C5: variants seen among roughly 807,000 people sequenced by gnomAD.
C5 encodes complement C5.
In C5, 140 loss-of-function variants were observed where a neutral mutation model predicts 218.8. The observed-to-expected ratio is 0.64, with a 90% CI of 0.56 to 0.74. C5 has a LOEUF of 0.74. Ranked by LOEUF, C5 falls within the 30% of genes least tolerant of loss-of-function variation. C5 has a pLI of 0.00. For synonymous variants in C5, 614 were observed against 682.3 expected, an observed-to-expected ratio of 0.90 and a Z score of 1.56; for missense variants, 1,700 against 1,969.6, an observed-to-expected ratio of 0.86 and a Z score of 2.59.
rs1384455813 is a variant in C5 at position 121,006,042 on chromosome 9, A to G, written c.2439T>C (p.Asp813=). 6.2e-7 allele frequency: 1 copy of G among 1,613,844 alleles called. No homozygotes were observed. Among genetic ancestry groups the G allele is most frequent in the African/African-American group, 1.3e-5 (1 of 75,040 alleles). The change falls in exon 20 of 41, where the codon GAT becomes GAC. Residue 813 remains aspartate, a synonymous_variant. Coordinates refer to ENST00000223642, the MANE Select transcript of C5 (RefSeq NM_001735.3). Reference sequence around the variant, plus strand: ...CTTTGAACACCTTTGCCTTGACAGTATCAGCAACACATATACCTTCAGCCC... The same window carrying G: ...CTTTGAACACCTTTGCCTTGACAGTGTCAGCAACACATATACCTTCAGCCC... ...GISNTGICVA[D]TVKAKVFKDV...
Position 120,981,941 on chromosome 9 carries a change from T to C in C5, c.3391-2A>G, listed in dbSNP as rs756024277. ...TCGGGCTTCAACAGGCAAGGTACCC[T>C]AAAAAGAAGCAATGTTTTAAAAGGG... On this transcript the variant is annotated splice_acceptor_variant, in intron 26 of 40. Transcript: ENST00000223642. LOFTEE classifies it high-confidence loss of function. 2.5e-6 allele frequency: 4 copies of C among 1,604,552 alleles called. No homozygotes were observed. Among genetic ancestry groups the C allele is most frequent in the Non-Finnish European group, 3.4e-6 (4 of 1,171,440 alleles).
rs79463779 is a variant in C5 at position 121,049,087 on chromosome 9, A to G, written c.65+1095T>C. 8.4e-3 allele frequency among the ~76,000 whole-genome samples: 1,284 copies of G among 152,272 alleles called. 23 individuals carry two copies. Among genetic ancestry groups the G allele is most frequent in the African/African-American group, 0.029 (1,213 of 41,532 alleles). Reference sequence around the variant, plus strand: ...GTTTGCTATATCTGCAGTGCCTATCATATGTTTAGATGCTCAATAAATATT... The same window carrying G: ...GTTTGCTATATCTGCAGTGCCTATCGTATGTTTAGATGCTCAATAAATATT... On this transcript the variant is annotated intron_variant, in intron 1 of 40. Transcript: ENST00000223642.
chr9:121,010,196 T>C (rs1222642986), intron 17 of C5, among the ~76,000 whole-genome samples: 1 of 152,220 alleles, frequency 6.6e-6, no homozygotes, highest in East Asian at 1.9e-4. Context: ...AGTCAAGTTA[T>C]CCTTGTATGC....
At chr9:120,998,556 A>G (rs1203342430) in intron 20 of C5, among the ~76,000 whole-genome samples, 4 of 152,234 alleles carry the variant, frequency 2.6e-5, no homozygotes, top group African/African-American at 9.6e-5. Context: ...GGCCCTGCCC[A>G]TTATGTCCCC....
rs781015545 is a variant in C5, at chr9:120,970,266, A to G, written c.4081-15T>C. 2 of 1,560,142 alleles carry G rather than the reference A, an allele frequency of 1.3e-6. No individual in the cohort carries two copies. Among genetic ancestry groups the G allele is most frequent in the African/African-American group, 1.4e-5 (1 of 74,026 alleles). On this transcript the variant is annotated splice_polypyrimidine_tract_variant and intron_variant, in intron 31 of 40. Transcript: ENST00000223642. Reference sequence around the variant, plus strand: ...ACAGTTGTTACCTACATTGGGGACAAGTAAGCAAGAAGATTCTATTTAAAG... The same window carrying G: ...ACAGTTGTTACCTACATTGGGGACAGGTAAGCAAGAAGATTCTATTTAAAG...
At chr9:121,002,675 A>C (rs2047182363) in intron 20 of C5, among the ~76,000 whole-genome samples, 1 of 152,080 alleles carries the variant, frequency 6.6e-6, no homozygotes, top group Non-Finnish European at 1.5e-5. Context: ...TTGAGACATG[A>C]AAACCACTAC....
intron 1 of C5, among the ~76,000 whole-genome samples, chr9:121,049,894 T>C (rs1263070676): frequency 2.0e-5 from 3 of 152,164 alleles, no homozygotes; most frequent in African/African-American, 7.2e-5. Flanking sequence ...GCAAAAAATG[T>C]CAAGAAAGTT....
At chr9:120,952,955 G>A in intron 40 of C5, 87 bp from the exon 41 acceptor site, 1 of 1,452,108 alleles carries the variant, frequency 6.9e-7, no homozygotes, top group African/African-American at 1.4e-5. Context: ...ACGGAGTCTT[G>A]CTCAGTCGCC....
chr9:120,975,158 G>T (rs556015838), intron 29 of C5, among the ~76,000 whole-genome samples: 1 of 152,240 alleles, frequency 6.6e-6, no homozygotes, highest in South Asian at 2.1e-4. Context: ...CCTCAGATCT[G>T]GGTCCTCTAT....
At chr9:121,074,553 T>C in the C5 span, among the ~76,000 whole-genome samples, 1 of 152,186 alleles carries the variant, frequency 6.6e-6, no homozygotes, top group Non-Finnish European at 1.5e-5. Context: ...CACTCGCTCA[T>C]AGCGCGCAAG....
At chr9:121,072,812 T>TAAAAAA in the C5 span, among the ~76,000 whole-genome samples, 16 of 98,568 alleles carry the variant, frequency 1.6e-4, no homozygotes, top group Admixed American at 3.4e-4. Context: ...TTCAAAAAAT[T>TAAAAAA]AAAAAAAAAA....
chr9:121,009,073 T>A (rs1359857629), intron 17 of C5, among the ~76,000 whole-genome samples: 1 of 152,212 alleles, frequency 6.6e-6, no homozygotes, highest in Non-Finnish European at 1.5e-5. Flanking sequence ...TTATACAAGA[T>A]ATCGATCAGT....
intron 32 of C5, among the ~76,000 whole-genome samples, chr9:120,969,532 A>G (rs1440647311): frequency 6.6e-6 from 1 of 152,160 alleles, no homozygotes. Flanking sequence ...CTGACCCTGG[A>G]GGCAATGGGG....
Position 120,980,051 on chromosome 9 carries a change from C to T in C5, c.3658+32G>A, listed in dbSNP as rs760309570. ...AGCAGACTTTATGTCTTAGTGAACA[C>T]TCACTGAATACATGTATGGAACAAG... is the stretch of plus-strand genomic sequence containing the variant. On this transcript the variant is annotated intron_variant, in intron 28 of 40. Transcript: ENST00000223642. 8.1e-6 allele frequency: 13 copies of T among 1,597,932 alleles called. 1 individual carries two copies. Among genetic ancestry groups the T allele is most frequent in the African/African-American group, 5.4e-5 (4 of 74,552 alleles).
intron 26 of C5, 49 bp from the exon 27 acceptor site, chr9:120,981,988 G>A (rs754245866): frequency 8.1e-7 from 1 of 1,228,792 alleles, no homozygotes; most frequent in South Asian, 1.2e-5. Context: ...TGTCTTTAAG[G>A]CGAAATGACC....
At position 120,979,739 on chromosome 9, in the gene C5, G is replaced by T; in HGVS notation, c.3658+344C>A. ...TCGTATCTGCAAAATATAAAAAAAA[G>T]TAACTGGGTTCAGTGGTGGGCACCT... On this transcript the variant is annotated intron_variant, in intron 28 of 40. Coordinates refer to ENST00000223642, the MANE Select transcript of C5 (RefSeq NM_001735.3). 4 of 289,334 alleles carry T rather than the reference G, an allele frequency of 1.4e-5. No homozygotes were observed. The South Asian group carries it at 1.4e-4, about 10-fold the overall frequency. 17.9% of individuals were successfully genotyped at this position (289,334 alleles called of 1,614,324 possible). A position where few individuals can be genotyped will look rare whatever the true frequency, so the allele number is the denominator to read the frequency against.
intron 22 of C5, among the ~76,000 whole-genome samples, chr9:120,994,526 T>A (rs1214142581): frequency 6.6e-6 from 1 of 151,834 alleles, no homozygotes; most frequent in Non-Finnish European, 1.5e-5. Flanking sequence ...GAGGTTGCAG[T>A]GAGCTGACAT....
At chr9:120,957,943 T>C (rs1264489111) in intron 38 of C5, among the ~76,000 whole-genome samples, 4 of 152,228 alleles carry the variant, frequency 2.6e-5, no homozygotes, top group Admixed American at 2.0e-4. Flanking sequence ...ATATCAATGT[T>C]TGATGCATAA....
At position 121,046,394 on chromosome 9, in the gene C5, A is replaced by G; in HGVS notation, c.66-11T>C. On this transcript the variant is annotated splice_polypyrimidine_tract_variant and intron_variant, in intron 1 of 40. Transcript: ENST00000223642. ...GCTGAAATGACATATCTGTTGAAAA[A>G]GGAAAAGATAAGGCTCAATGTCTTT... 6.3e-7 allele frequency: 1 copy of G among 1,591,760 alleles called. No individual in the cohort carries two copies. Among genetic ancestry groups the G allele is most frequent in the Non-Finnish European group, 8.6e-7 (1 of 1,160,178 alleles).
Sources: allele counts gnomAD v4.1 joint callset (sites outside exome capture counted in the v4.1 genomes callset), GRCh38; gene constraint gnomAD v4.1.1; transcripts MANE v1.5; gene names NCBI Gene and HGNC (gene_info 2026-07-23, HGNC 2026-07-21).